ZNF324B: variants seen among roughly 807,000 people sequenced by gnomAD.
The protein encoded by ZNF324B is zinc finger protein 324B.
A neutral mutation model predicts 10.6 loss-of-function variants in ZNF324B; 7 were observed. The observed-to-expected ratio is 0.66, with a 90% confidence interval of 0.38 to 1.24. ZNF324B has a LOEUF of 1.24. Ranked by LOEUF, ZNF324B falls within the 50% of genes most tolerant of loss-of-function variation. ZNF324B has a pLI of 0.02. For missense variants in ZNF324B, 640 were observed against 764.7 expected (o/e 0.84, Z 1.92); for synonymous variants, 316 against 321.0 (o/e 0.98, Z 0.17).
the ZNF324B span, chr19:58,431,004 G>A: frequency 1.4e-4 from 22 of 152,208 alleles, no homozygotes; most frequent in African/African-American, 4.8e-4. Flanking sequence ...TGGTACTCCA[G>A]TGCTGGAAGG....
the ZNF324B span, chr19:58,436,172 G>A: frequency 2.6e-5 from 4 of 153,870 alleles, no homozygotes; most frequent in South Asian, 4.1e-4. Flanking sequence ...TAGGACCGGG[G>A]GGAAAGGGAT....
upstream of ZNF324B, among the ~76,000 whole-genome samples, chr19:58,447,556 T>TA (rs1390726596): frequency 6.6e-6 from 1 of 152,202 alleles, no homozygotes; most frequent in Non-Finnish European, 1.5e-5. Context: ...TTTAAGAAGT[T>TA]AAACGTCTCC....
the ZNF324B span, among the ~76,000 whole-genome samples, chr19:58,436,688 AAAAAG>A: frequency 6.6e-6 from 1 of 151,328 alleles, no homozygotes; most frequent in Non-Finnish European, 1.5e-5. Flanking sequence ...AAAAAAAAAA[AAAAAG>A]GAAAAAAAAA....
At chr19:58,426,316 C>T in the ZNF324B span, among the ~76,000 whole-genome samples, 3 of 152,152 alleles carry the variant, frequency 2.0e-5, no homozygotes, top group Non-Finnish European at 4.4e-5. Flanking sequence ...GGCTGAAGCT[C>T]TGGTTAGTGG....
In ZNF324B at chr19:58,455,592, C is replaced by T. The variant is rs1051488612; in HGVS notation, c.648C>T (p.Ala216=). Residue 216 remains alanine, a synonymous_variant, in exon 4 of 4, where the codon GCC becomes GCT. Transcript: ENST00000336614. This position sits in a 1 kb window ranked among gnomAD's most constrained non-coding sequence, Gnocchi z 7.0. ...AFGNASDLKA[A]SGGRDRRMGA... ...GGAATGCCTCGGACCTGAAGGCCGC[C>T]AGTGGTGGCAGGGATCGCAGAATGG... is the stretch of plus-strand genomic sequence containing the variant. 24 of 1,614,096 alleles carry T rather than the reference C, an allele frequency of 1.5e-5. No homozygotes were observed. Among genetic ancestry groups the T allele is most frequent in the African/African-American group, 4.0e-5 (3 of 75,068 alleles).
chr19:58,437,088 T>C, the ZNF324B span: 1 of 1,614,172 alleles, frequency 6.2e-7, no homozygotes, highest in Non-Finnish European at 8.5e-7. Context: ...CATCACACTG[T>C]GGTACAGGTG....
rs1417000829 is a variant in ZNF324B, at chr19:58,456,176, C to G, written c.1232C>G (p.Ser411Trp). ...GGTGCTGCCTTCAGCCAGGGCTCCT[C>G]GCTCTTTTTGCACCAGCGCGTGCAC... ...LCGAAFSQGS[S>W]LFLHQRVHTG... is the part of the protein sequence containing the mutation. The change falls in exon 4 of 4, where the codon TCG becomes TGG. Residue 411 changes from serine to tryptophan, a missense_variant. Ser to Trp is a radical substitution (Grantham distance 177). Coordinates refer to ENST00000336614, the MANE Select transcript of ZNF324B (RefSeq NM_207395.3). This position sits in a 1 kb window ranked among gnomAD's most constrained non-coding sequence, Gnocchi z 4.7. 6.2e-7 allele frequency: 1 copy of G among 1,613,206 alleles called. No homozygotes were observed. The highest frequency in any genetic ancestry group is 1.1e-5 in the South Asian group (1 of 91,058).
chr19:58,446,573 CTTTTT>C, the ZNF324B span, among the ~76,000 whole-genome samples: 7 of 102,506 alleles, frequency 6.8e-5, no homozygotes, highest in African/African-American at 2.4e-4. Flanking sequence ...ATTTCTTTCT[CTTTTT>C]TTTTTTTTTT....
the ZNF324B span, chr19:58,442,131 C>CCGCGGACCCTCA: frequency 6.6e-6 from 1 of 152,186 alleles, no homozygotes; most frequent in East Asian, 1.9e-4. Flanking sequence ...AAGAATAAAG[C>CCGCGGACCCTCA]CGCGGACCCT....
upstream of ZNF324B, among the ~76,000 whole-genome samples, chr19:58,448,228 T>G (rs2052836282): frequency 2.0e-5 from 3 of 152,202 alleles, no homozygotes. Flanking sequence ...TGTTTGGAAC[T>G]TCCTAGAGAC....
chr19:58,439,411 C>G, the ZNF324B span, among the ~76,000 whole-genome samples: 2 of 152,232 alleles, frequency 1.3e-5, no homozygotes, highest in Non-Finnish European at 2.9e-5. Flanking sequence ...CCAGGCCTAA[C>G]TATTGGTTTC....
rs1161406686 is a variant in ZNF324B at position 58,451,736 on chromosome 19, A to G, written c.-7+32A>G. 2.2e-5 allele frequency: 10 copies of G among 446,612 alleles called. No individual in the cohort carries two copies. In the East Asian group the frequency reaches 2.3e-4, roughly 10 times the overall value. 27.7% of individuals were successfully genotyped at this position (446,612 alleles called of 1,614,324 possible). On this transcript the variant is annotated intron_variant, in intron 1 of 3. Transcript: ENST00000336614. Reference sequence around the variant, plus strand: ...ACCACGAGCAGCCGGCCGCGCCCCCAAGCCTCGGTATCTTCGAGTATGACG... The same window carrying G: ...ACCACGAGCAGCCGGCCGCGCCCCCGAGCCTCGGTATCTTCGAGTATGACG...
chr19:58,435,145 T>G, the ZNF324B span: 5 of 1,614,234 alleles, frequency 3.1e-6, no homozygotes, highest in Non-Finnish European at 4.2e-6. Context: ...GATCCTGACC[T>G]GTAACACTTC....
rs1349728350 is a variant in ZNF324B at position 58,455,380 on chromosome 19, A to G, written c.436A>G (p.Arg146Gly). Residue 146 changes from arginine to glycine, a missense_variant, in exon 4 of 4, where the codon AGG becomes GGG. By Grantham distance (125) the Arg-to-Gly change is moderately radical. This residue lies in a region of ZNF324B where 345 missense variants were observed against 387.9 expected (regional missense o/e 0.89). Coordinates refer to ENST00000336614, the MANE Select transcript of ZNF324B (RefSeq NM_207395.3). This position sits in a 1 kb window ranked among gnomAD's most constrained non-coding sequence, Gnocchi z 7.0. ...PTGVSVIYWERLLLGSRSDQA... is the reference protein window; with the variant it reads ...PTGVSVIYWEGLLLGSRSDQA... ...GGGGGTGTCGGTGATCTACTGGGAG[A>G]GGCTCCTGCTAGGCTCGCGCAGTGA... 2 of 1,614,140 alleles carry G rather than the reference A, an allele frequency of 1.2e-6. No homozygotes were observed. Among genetic ancestry groups the G allele is most frequent in the Non-Finnish European group, 1.7e-6 (2 of 1,180,014 alleles).
the ZNF324B span, chr19:58,433,559 A>G: frequency 3.1e-6 from 5 of 1,614,098 alleles, no homozygotes; most frequent in Admixed American, 1.7e-5. Context: ...CATTCACTGC[A>G]TTCGTAAGGC....
At chr19:58,445,794 G>A in the ZNF324B span, 1 of 243,096 alleles carries the variant, frequency 4.1e-6, no homozygotes, top group Non-Finnish European at 8.0e-6. Flanking sequence ...CAGACTGGGT[G>A]ACAGAGCAAG....
chr19:58,427,085 T>G, the ZNF324B span, among the ~76,000 whole-genome samples: 1 of 152,198 alleles, frequency 6.6e-6, no homozygotes, highest in Non-Finnish European at 1.5e-5. Context: ...CACGTAGGAC[T>G]CTACTCATGT....
the ZNF324B span, chr19:58,437,881 A>C: frequency 1.3e-6 from 1 of 751,152 alleles, no homozygotes; most frequent in Non-Finnish European, 1.6e-6. Flanking sequence ...AGCAGATCTC[A>C]AATATCTCTT....
the ZNF324B span, among the ~76,000 whole-genome samples, chr19:58,420,878 G>C: frequency 6.6e-6 from 1 of 151,264 alleles, no homozygotes; most frequent in African/African-American, 2.4e-5. Context: ...CGGCTAATTT[G>C]TATTTTTAGT....
Sources: allele counts gnomAD v4.1 joint callset (sites outside exome capture counted in the v4.1 genomes callset), GRCh38; gene constraint gnomAD v4.1.1; regional missense constraint gnomAD v4.1.1; non-coding constraint Gnocchi (gnomAD v3.1); transcripts MANE v1.5; gene names NCBI Gene and HGNC (gene_info 2026-07-23, HGNC 2026-07-21).